APP: variants seen among roughly 807,000 people sequenced by gnomAD.
APP encodes the protein amyloid beta precursor protein.
A neutral mutation model predicts 101.4 loss-of-function variants in APP; 31 were observed. The observed-to-expected ratio is 0.31, with a 90% CI of 0.23 to 0.41. The LOEUF (loss-of-function observed/expected upper bound fraction) is 0.41. APP is among the 10% of genes least tolerant of loss of function. The pLI, the probability that APP is intolerant of heterozygous loss-of-function variation, is 1.00. For missense variants in APP, 839 were observed against 1,003.7 expected (o/e 0.84, Z 2.22); for synonymous variants, 366 against 364.4 (o/e 1.00, Z -0.05).
At chr21:25,956,032 T>G (rs578021595) in intron 11 of APP, among the ~76,000 whole-genome samples, 1 of 152,362 alleles carries the variant, frequency 6.6e-6, no homozygotes, top group African/African-American at 2.4e-5. Flanking sequence ...ATAGGAGTAC[T>G]CTGCTATAGA....
At chr21:26,027,825 G>A (rs2044645937) in intron 5 of APP, among the ~76,000 whole-genome samples, 2 of 129,486 alleles carry the variant, frequency 1.5e-5, no homozygotes, top group African/African-American at 6.4e-5. Context: ...TGCAGCTAAA[G>A]GCATAAGCCC....
intron 1 of APP, among the ~76,000 whole-genome samples, chr21:26,128,735 G>A (rs531487200): frequency 2.0e-4 from 31 of 151,876 alleles, no homozygotes; most frequent in Non-Finnish European, 3.2e-4. Flanking sequence ...AAAAAAAACC[G>A]TAATAATGAA....
intron 8 of APP, among the ~76,000 whole-genome samples, chr21:25,992,686 T>A (rs1487972847): frequency 6.6e-6 from 1 of 152,186 alleles, no homozygotes; most frequent in Non-Finnish European, 1.5e-5. Context: ...CATTTCCAGA[T>A]ACCAAAGATT....
chr21:26,122,905 T>C (rs2062606441), intron 1 of APP, among the ~76,000 whole-genome samples: 1 of 152,148 alleles, frequency 6.6e-6, no homozygotes, highest in Admixed American at 6.5e-5. Flanking sequence ...TATTTGACAT[T>C]TACTTTTGTT....
intron 1 of APP, among the ~76,000 whole-genome samples, chr21:26,152,790 G>A (rs945584619): frequency 5.3e-5 from 8 of 152,118 alleles, no homozygotes; most frequent in Non-Finnish European, 7.4e-5. Context: ...TCTTAATACT[G>A]GGTATCTACC....
At chr21:26,013,647 A>T (rs879716617) in intron 6 of APP, among the ~76,000 whole-genome samples, 4 of 150,970 alleles carry the variant, frequency 2.6e-5, no homozygotes, top group Non-Finnish European at 5.9e-5. Flanking sequence ...CTGCTATTCT[A>T]TTTTTTTTTA....
chr21:26,015,951 G>C (rs554830364), intron 6 of APP, among the ~76,000 whole-genome samples: 2 of 152,168 alleles, frequency 1.3e-5, no homozygotes, highest in African/African-American at 2.4e-5. Flanking sequence ...CTTTTGTGTA[G>C]AAAACAGGAA....
intron 11 of APP, among the ~76,000 whole-genome samples, 154 bp from the exon 12 acceptor site, chr21:25,955,909 C>T (rs1355449266): frequency 3.3e-5 from 5 of 152,170 alleles, no homozygotes; most frequent in Non-Finnish European, 4.4e-5. Flanking sequence ...ATTTCTCCTA[C>T]TCCTTTCTTA....
At chr21:26,097,930 A>C (rs1421162934) in intron 2 of APP, among the ~76,000 whole-genome samples, 1 of 151,936 alleles carries the variant, frequency 6.6e-6, no homozygotes, top group Non-Finnish European at 1.5e-5. Context: ...AAATACAAAA[A>C]TTAGCCGGGC....
At chr21:26,138,614 G>GACA (rs1279391734) in intron 1 of APP, among the ~76,000 whole-genome samples, 3 of 152,054 alleles carry the variant, frequency 2.0e-5, no homozygotes, top group Non-Finnish European at 4.4e-5. Flanking sequence ...GATCGCTTGA[G>GACA]ACAAGGAGGT....
At chr21:25,930,341 C>T (rs757485011) in intron 13 of APP, among the ~76,000 whole-genome samples, 6 of 152,156 alleles carry the variant, frequency 3.9e-5, no homozygotes, top group African/African-American at 9.7e-5. Context: ...GTGCCCCTCC[C>T]GGCAGCCAGC....
intron 10 of APP, among the ~76,000 whole-genome samples, chr21:25,975,475 C>A (rs577594577): frequency 2.6e-5 from 4 of 152,180 alleles, no homozygotes; most frequent in Admixed American, 1.3e-4. Flanking sequence ...TCTCTGAAGG[C>A]TGATTTGACT....
chr21:26,037,417 G>A (rs2146848763), intron 5 of APP, among the ~76,000 whole-genome samples: 1 of 152,228 alleles, frequency 6.6e-6, no homozygotes, highest in East Asian at 1.9e-4. Flanking sequence ...AGATGAATAT[G>A]CTGATCAGTC....
intron 5 of APP, among the ~76,000 whole-genome samples, chr21:26,047,774 G>A (rs1193239516): frequency 2.6e-5 from 4 of 152,146 alleles, no homozygotes; most frequent in African/African-American, 4.8e-5. Flanking sequence ...TCCAAATATA[G>A]TAGTCACCAG....
intron 6 of APP, among the ~76,000 whole-genome samples, chr21:26,013,335 A>G (rs1045649501): frequency 2.6e-5 from 4 of 152,126 alleles, no homozygotes; most frequent in Non-Finnish European, 5.9e-5. Flanking sequence ...AACAAAACAA[A>G]AAAAGTGTGC....
At chr21:25,930,691 A>T (rs1242241954) in intron 13 of APP, among the ~76,000 whole-genome samples, 2 of 152,208 alleles carry the variant, frequency 1.3e-5, no homozygotes. Flanking sequence ...ATGTTTATTT[A>T]TGCAGATTTT....
At chr21:26,043,406 T>A (rs1282174772) in intron 5 of APP, among the ~76,000 whole-genome samples, 1 of 151,478 alleles carries the variant, frequency 6.6e-6, no homozygotes, top group African/African-American at 2.4e-5. Flanking sequence ...CTATTTTGTA[T>A]TTTTAGTAGA....
chr21:25,957,128 T>C (rs2041355701), intron 11 of APP, among the ~76,000 whole-genome samples: 2 of 152,182 alleles, frequency 1.3e-5, no homozygotes, highest in Non-Finnish European at 2.9e-5. Flanking sequence ...TCATCTGCCT[T>C]CTTTTTTCCT....
rs1035717641 is a variant in APP, at chr21:25,935,823, GAGTGAGACTCTGTCTCAAAAAAAA to G, written c.1687+18743_1687+18766del. On this transcript the variant is annotated intron_variant, in intron 13 of 17. Coordinates refer to ENST00000346798, the MANE Select transcript of APP (RefSeq NM_000484.4). ...CCACTGCATTCCAGCCTGGGCAACA[GAGTGAGACTCTGTCTCAAAAAAAA>G]AAAAAAAAAAAAAACCTGTCAAATC... Among the ~76,000 whole-genome samples the G allele has an allele frequency of 5.0e-4, 61 of 121,476 alleles. 1 individual carries two copies. Among genetic ancestry groups the G allele is most frequent in the Non-Finnish European group, 5.9e-4 (36 of 61,224 alleles). The allele number at this position is 121,476 out of a possible 152,430, so 79.7% of individuals were successfully genotyped here.
Sources: gnomAD v4.1 joint callset for allele counts (sites outside exome capture counted in the v4.1 genomes callset) on GRCh38, gnomAD v4.1.1 for gene constraint, MANE v1.5 for transcripts, NCBI Gene and HGNC (gene_info 2026-07-23, HGNC 2026-07-21) for gene names.